The following CDH12 variants were observed in gnomAD, a reference collection of about 807,000 sequenced individuals.
The protein encoded by CDH12 is cadherin-12.
CDH12 carries 41 observed loss-of-function variants against 74.1 expected under a neutral mutation model. The observed-to-expected ratio is 0.55, with a 90% confidence interval of 0.43 to 0.72. CDH12 has a LOEUF of 0.72. Ranked by LOEUF, CDH12 falls within the 30% of genes least tolerant of loss-of-function variation. The pLI is 0.00. For missense variants in CDH12, 945 were observed against 977.2 expected (o/e 0.97, Z 0.44); for synonymous variants, 399 against 355.0 (o/e 1.12, Z -1.39).
At chr5:22,275,823 G>A (rs915286139) in intron 3 of CDH12, among the ~76,000 whole-genome samples, 2 of 152,130 alleles carry the variant, frequency 1.3e-5, no homozygotes, top group Admixed American at 1.3e-4. Context: ...GAAACTGTTT[G>A]AAGACACTGA....
chr5:22,184,338 C>T (rs745915735), intron 4 of CDH12, among the ~76,000 whole-genome samples: 5 of 151,966 alleles, frequency 3.3e-5, no homozygotes, highest in Non-Finnish European at 7.4e-5. Flanking sequence ...TTTCCATTTC[C>T]AAAAAATATA....
chr5:22,301,563 T>G (rs1737881029), intron 3 of CDH12, among the ~76,000 whole-genome samples: 1 of 152,184 alleles, frequency 6.6e-6, no homozygotes, highest in African/African-American at 2.4e-5. Context: ...ATAGAGATTT[T>G]GACTCCCAAT....
intron 13 of CDH12, among the ~76,000 whole-genome samples, chr5:21,757,507 C>T (rs1744468010): frequency 1.3e-5 from 2 of 152,076 alleles, no homozygotes; most frequent in Non-Finnish European, 2.9e-5. Flanking sequence ...ATTGTGATGT[C>T]CATAGTGAGA....
At position 21,833,172 on chromosome 5, in the gene CDH12, TA is replaced by T. The variant is rs1173393306; in HGVS notation, c.814+8988del. Among the ~76,000 whole-genome samples the T allele has an allele frequency of 6.2e-3, 208 of 33,410 alleles. 19 individuals carry two copies. Among genetic ancestry groups the T allele is most frequent in the Non-Finnish European group, 7.0e-3 (169 of 24,172 alleles). The allele number at this position is 33,410 out of a possible 152,430, so 21.9% of individuals were successfully genotyped here. The stretch of plus-strand genomic sequence containing the variant: ...ATAACATATAATATATATTATATTA[TA>T]AATATATATTATATAACATATAATA... On this transcript the variant is annotated intron_variant, in intron 8 of 14. Coordinates refer to ENST00000382254, the MANE Select transcript of CDH12 (RefSeq NM_004061.5).
intron 1 of CDH12, among the ~76,000 whole-genome samples, chr5:22,678,660 T>G (rs1741335839): frequency 1.3e-5 from 2 of 152,128 alleles, no homozygotes; most frequent in Non-Finnish European, 2.9e-5. Context: ...AGTAAAACTC[T>G]AAAGTGTTTT....
intron 1 of CDH12, among the ~76,000 whole-genome samples, chr5:22,534,514 C>A (rs970487938): frequency 2.0e-5 from 3 of 152,124 alleles, no homozygotes; most frequent in Non-Finnish European, 1.5e-5. Flanking sequence ...CAGGTTGCTG[C>A]GAATGCCATT....
chr5:22,560,042 T>A (rs1379632024), intron 1 of CDH12, among the ~76,000 whole-genome samples: 1 of 152,178 alleles, frequency 6.6e-6, no homozygotes, highest in Non-Finnish European at 1.5e-5. Context: ...TGCATCAACT[T>A]TTTATTATCC....
chr5:22,806,900 A>C (rs1360332606), intron 1 of CDH12, among the ~76,000 whole-genome samples: 5 of 152,074 alleles, frequency 3.3e-5, no homozygotes, highest in Admixed American at 6.5e-5. Context: ...AGATTGCAAA[A>C]ATTTTCTCCC....
intron 6 of CDH12, among the ~76,000 whole-genome samples, chr5:21,938,426 T>C (rs949510124): frequency 1.3e-5 from 2 of 148,952 alleles, no homozygotes; most frequent in Non-Finnish European, 3.0e-5. Flanking sequence ...ACCACAGCTG[T>C]TCCCTTGTGA....
intron 1 of CDH12, among the ~76,000 whole-genome samples, chr5:22,815,538 G>C (rs1243274936): frequency 6.6e-6 from 1 of 152,094 alleles, no homozygotes; most frequent in African/African-American, 2.4e-5. Context: ...GGGAGGCTGA[G>C]GGGGGCGGAT....
At chr5:22,614,133 T>A (rs1205551352) in intron 1 of CDH12, among the ~76,000 whole-genome samples, 4 of 152,118 alleles carry the variant, frequency 2.6e-5, no homozygotes, top group African/African-American at 9.7e-5. Context: ...ACGCTCTTAG[T>A]AGACATGGAA....
chr5:21,755,961 T>C, intron 13 of CDH12, 119 bp from the exon 14 acceptor site: 1 of 932,086 alleles, frequency 1.1e-6, no homozygotes, highest in Non-Finnish European at 1.6e-6. Flanking sequence ...ATTCTTATTT[T>C]TTTTATTTCT....
At chr5:21,950,155 C>G (rs1755785028) in intron 6 of CDH12, among the ~76,000 whole-genome samples, 1 of 152,054 alleles carries the variant, frequency 6.6e-6, no homozygotes, top group South Asian at 2.1e-4. Flanking sequence ...GTATTCAGCA[C>G]AGTAACATGC....
chr5:22,518,618 C>A (rs1285714353), intron 1 of CDH12, among the ~76,000 whole-genome samples: 1 of 152,176 alleles, frequency 6.6e-6, no homozygotes, highest in South Asian at 2.1e-4. Context: ...CATCTTTCAA[C>A]CATGCCTTTT....
intron 5 of CDH12, among the ~76,000 whole-genome samples, chr5:22,077,077 T>TGTGTGC (rs1554007424): frequency 4.8e-5 from 7 of 146,282 alleles, no homozygotes; most frequent in East Asian, 1.9e-4. Context: ...TGTGTGTGTG[T>TGTGTGC]GCGCGTGTGT....
intron 2 of CDH12, among the ~76,000 whole-genome samples, chr5:22,486,377 T>C (rs1315932261): frequency 6.6e-6 from 1 of 151,418 alleles, no homozygotes; most frequent in Non-Finnish European, 1.5e-5. Context: ...ATAATCTAAG[T>C]CAATACAACA....
chr5:21,852,944 C>T (rs1561243123), intron 7 of CDH12, among the ~76,000 whole-genome samples: 1 of 151,306 alleles, frequency 6.6e-6, no homozygotes, highest in African/African-American at 2.4e-5. Context: ...CATAGTGGCC[C>T]CATCTGATAA....
chr5:22,770,381 T>C (rs1489175621), intron 1 of CDH12, among the ~76,000 whole-genome samples: 2 of 152,172 alleles, frequency 1.3e-5, no homozygotes, highest in Non-Finnish European at 2.9e-5. Flanking sequence ...GCAACTCCTG[T>C]ACATTGCCCA....
At chr5:21,939,906 C>T (rs1262289541) in intron 6 of CDH12, among the ~76,000 whole-genome samples, 1 of 151,868 alleles carries the variant, frequency 6.6e-6, no homozygotes, top group Non-Finnish European at 1.5e-5. Flanking sequence ...TTTGTGCGTA[C>T]TGATGATAAA....
Sources: allele counts gnomAD v4.1 joint callset (sites outside exome capture counted in the v4.1 genomes callset), GRCh38; gene constraint gnomAD v4.1.1; transcripts MANE v1.5; gene names NCBI Gene and HGNC (gene_info 2026-07-23, HGNC 2026-07-21).